RECQL5: variants seen among roughly 807,000 people sequenced by gnomAD.
RECQL5 encodes RecQ like helicase 5.
A neutral mutation model predicts 103.4 loss-of-function variants in RECQL5; 88 were observed. That is an observed-to-expected ratio of 0.85 (90% confidence interval 0.72 to 1.02). The LOEUF is 1.02. Ranked by LOEUF, RECQL5 falls within the 50% of genes least tolerant of loss-of-function variation. RECQL5 has a pLI of 0.00. For synonymous variants in RECQL5, 552 were observed against 507.9 expected (o/e 1.09, Z -1.17); for missense variants, 1,232 against 1,284.3 (o/e 0.96, Z 0.62).
At chr17:75,647,143 T>A (rs1220075858) in intron 8 of RECQL5, among the ~76,000 whole-genome samples, 4 of 152,192 alleles carry the variant, frequency 2.6e-5, no homozygotes, top group African/African-American at 9.6e-5. Context: ...GGGCCCCACT[T>A]CTTGCGCCAG....
chr17:75,631,743 C>A, intron 8 of RECQL5, 75 bp from the exon 9 acceptor site: 1 of 1,481,184 alleles, frequency 6.8e-7, no homozygotes, highest in South Asian at 1.2e-5. Flanking sequence ...GAGCCTGAAT[C>A]GCTAGCTGAG....
At position 75,640,168 on chromosome 17, in the gene RECQL5, CCCGGCAGGAGCCCCAACAGGAA is replaced by C; in HGVS notation, c.1230-8522_1230-8501del. The C allele has an allele frequency of 6.6e-7, 1 of 1,524,724 alleles. No homozygotes were observed. The highest frequency in any genetic ancestry group is 8.8e-7 in the Non-Finnish European group (1 of 1,136,892). The allele number at this position is 1,524,724 out of a possible 1,614,324, so 94.4% of individuals were successfully genotyped here. On this transcript the variant is annotated intron_variant, in intron 8 of 19. Coordinates refer to ENST00000317905, the MANE Select transcript of RECQL5 (RefSeq NM_004259.7). This position sits in a 1 kb window ranked among gnomAD's most constrained non-coding sequence, Gnocchi z 4.6. Reference sequence around the variant, plus strand: ...AGGTGTTCTCTCTGCCCCAGCAGAGCCCGGCAGGAGCCCCAACAGGAAGCCAGCGCGGCATGGCTGCCACCGA... The same window carrying C: ...AGGTGTTCTCTCTGCCCCAGCAGAGCGCCAGCGCGGCATGGCTGCCACCGA...
intron 5 of RECQL5, among the ~76,000 whole-genome samples, chr17:75,661,397 G>A (rs1385495443): frequency 6.6e-6 from 1 of 152,240 alleles, no homozygotes; most frequent in Non-Finnish European, 1.5e-5. Flanking sequence ...TAGGCATACA[G>A]TGGGAAGAAC....
In RECQL5 at chr17:75,660,806, C is replaced by T; in HGVS notation, c.986+149G>A. ...AGGCCGCACAGGAGCTGTCAGCATT[C>T]AGGCTGTATTCTAAGGACTCTCTCC... is the stretch of plus-strand genomic sequence containing the variant. On this transcript the variant is annotated intron_variant, in intron 6 of 19. Coordinates refer to ENST00000317905, the MANE Select transcript of RECQL5 (RefSeq NM_004259.7). The T allele has an allele frequency of 4.5e-6, 3 of 661,276 alleles. No individual in the cohort carries two copies. In the South Asian group the frequency reaches 5.2e-5, roughly 11 times the overall value. 41.0% of individuals were successfully genotyped at this position (661,276 alleles called of 1,614,324 possible). A position where few individuals can be genotyped will look rare whatever the true frequency, so the allele number is the denominator to read the frequency against.
chr17:75,659,416 G>C (rs908384113), intron 6 of RECQL5, among the ~76,000 whole-genome samples: 1 of 152,134 alleles, frequency 6.6e-6, no homozygotes, highest in Non-Finnish European at 1.5e-5. Flanking sequence ...AGAGTACAGT[G>C]GCACAATCAC....
At chr17:75,648,357 T>TTATA (rs1599032435) in intron 8 of RECQL5, among the ~76,000 whole-genome samples, 1 of 152,126 alleles carries the variant, frequency 6.6e-6, no homozygotes, top group Non-Finnish European at 1.5e-5. Flanking sequence ...TTTACAGGAC[T>TTATA]TATATGTCTT....
Position 75,662,859 on chromosome 17 carries a change from C to T in RECQL5, c.391G>A (p.Glu131Lys). Reference sequence around the variant, plus strand: ...TGGAAGGAGGATGAAGCTGCCATCTCTGGGGTGATGTACAGAATCTTGGTC... The same window carrying T: ...TGGAAGGAGGATGAAGCTGCCATCTTTGGGGTGATGTACAGAATCTTGGTC... The part of the protein sequence containing the change: ...PQTKILYITP[E>K]MAASSSFQPT... The change falls in exon 4 of 20, where the codon GAG becomes AAG. Residue 131 changes from glutamate (E) to lysine (K), a missense_variant. Glu to Lys is a moderately conservative substitution (Grantham distance 56, BLOSUM62 1). Coordinates refer to ENST00000317905, the MANE Select transcript of RECQL5 (RefSeq NM_004259.7). 6.2e-7 allele frequency: 1 copy of T among 1,614,150 alleles called. No homozygotes were observed. The highest frequency in any genetic ancestry group is 8.5e-7 in the Non-Finnish European group (1 of 1,180,036).
At position 75,636,460 on chromosome 17, in the gene RECQL5, G is replaced by C. The variant is rs1283183857; in HGVS notation, c.1230-4792C>G. The C allele has an allele frequency of 6.6e-6, 1 of 152,268 alleles. No homozygotes were observed. Among genetic ancestry groups the C allele is most frequent in the African/African-American group, 2.4e-5 (1 of 41,450 alleles). 9.4% of individuals were successfully genotyped at this position (152,268 alleles called of 1,614,324 possible). A position where few individuals can be genotyped will look rare whatever the true frequency, so the allele number is the denominator to read the frequency against. Reference sequence around the variant, plus strand: ...AAACCTAGGAAGGGAAAGGGGAGGAGAGGTGGCCAGCCTCAGAGCTCCCAT... The same window carrying C: ...AAACCTAGGAAGGGAAAGGGGAGGACAGGTGGCCAGCCTCAGAGCTCCCAT... On this transcript the variant is annotated intron_variant, in intron 8 of 19. Coordinates refer to ENST00000317905, the MANE Select transcript of RECQL5 (RefSeq NM_004259.7). This position sits in a 1 kb window ranked among gnomAD's most constrained non-coding sequence, Gnocchi z 5.4.
intron 5 of RECQL5, 43 bp downstream of exon 5, chr17:75,661,563 C>A (rs753837795): frequency 2.9e-6 from 4 of 1,357,264 alleles, no homozygotes; most frequent in Non-Finnish European, 3.2e-6. Context: ...AGCTAAGAAG[C>A]CTCTGAGGGT....
At position 75,662,967 on chromosome 17, in the gene RECQL5, CCT is replaced by C. The variant is rs1193988582; in HGVS notation, c.281_282del (p.Lys94SerfsTer21). ...TTCGAGTTCAGGGAACTTACTCGTACCTTTAGGGTTAGCAAGTGGTCCACTTG... is the reference window on the plus strand; with the variant it reads ...TTCGAGTTCAGGGAACTTACTCGTACTTAGGGTTAGCAAGTGGTCCACTTG... ...QDQVDHLLTL[K>X]VRVSSLNSKL... On this transcript the variant is annotated frameshift_variant, in exon 4 of 20. Coordinates refer to ENST00000317905, the MANE Select transcript of RECQL5 (RefSeq NM_004259.7). LOFTEE classifies it high-confidence loss of function. 6.2e-7 allele frequency: 1 copy of C among 1,610,850 alleles called. No individual in the cohort carries two copies. Among genetic ancestry groups the C allele is most frequent in the Non-Finnish European group, 8.5e-7 (1 of 1,178,236 alleles).
chr17:75,661,589 G>A lies in RECQL5; in HGVS notation c.874+17C>T. On this transcript the variant is annotated intron_variant, in intron 5 of 19. Transcript: ENST00000317905. ...CTCTGAGGGTGAAGAGACTCAAGTG[G>A]CCTGGGTGCCCCTTACCTGCATGGT... 6.3e-7 allele frequency: 1 copy of A among 1,592,706 alleles called. No homozygotes were observed. Among genetic ancestry groups the A allele is most frequent in the South Asian group, 1.1e-5 (1 of 90,600 alleles).
In RECQL5 at chr17:75,626,933, A is replaced by C. The variant is rs916590430; in HGVS notation, c.*489T>G. 2.8e-6 allele frequency: 1 copy of C among 353,234 alleles called. No individual in the cohort carries two copies. The highest frequency in any genetic ancestry group is 2.1e-5 in the African/African-American group (1 of 46,882). The allele number at this position is 353,234 out of a possible 1,614,324, so 21.9% of individuals were successfully genotyped here. A position where few individuals can be genotyped will look rare whatever the true frequency, so the allele number is the denominator to read the frequency against. Reference sequence around the variant, plus strand: ...TCTGTCAGGCCTGGCCTTCCTGAGCAGGAGCTGAGCAGGAACAGGGCCTGG... The same window carrying C: ...TCTGTCAGGCCTGGCCTTCCTGAGCCGGAGCTGAGCAGGAACAGGGCCTGG... On this transcript the variant is annotated 3_prime_UTR_variant, in exon 20 of 20. Transcript: ENST00000317905.
chr17:75,646,838 T>C (rs1006012548), intron 8 of RECQL5: 1 of 152,934 alleles, frequency 6.5e-6, no homozygotes, highest in African/African-American at 2.4e-5. Flanking sequence ...GCTATGGGCT[T>C]GCAGTCTGCG....
intron 2 of RECQL5, among the ~76,000 whole-genome samples, chr17:75,665,661 G>C (rs1485805133): frequency 2.0e-5 from 3 of 148,788 alleles, no homozygotes; most frequent in Non-Finnish European, 4.4e-5. Flanking sequence ...CTGCACTCCA[G>C]TGTGGGCGAC....
rs2059751656 is a variant in RECQL5 at position 75,665,180 on chromosome 17, A to G, written c.131-8T>C. On this transcript the variant is annotated splice_polypyrimidine_tract_variant and splice_region_variant and intron_variant, in intron 2 of 19. Coordinates refer to ENST00000317905, the MANE Select transcript of RECQL5 (RefSeq NM_004259.7). The stretch of plus-strand genomic sequence containing the variant: ...CAAAGACGTCCTTGTTACCTGAAAA[A>G]ATACAAGACAACAATATCTCAGTGC... 2 of 1,605,226 alleles carry G rather than the reference A, an allele frequency of 1.2e-6. No individual in the cohort carries two copies. The highest frequency in any genetic ancestry group is 2.2e-5 in the South Asian group (2 of 89,010).
intron 3 of RECQL5, among the ~76,000 whole-genome samples, chr17:75,663,792 C>T (rs909210835): frequency 3.9e-5 from 6 of 152,132 alleles, no homozygotes; most frequent in Non-Finnish European, 7.3e-5. Context: ...CGGTGGCTCA[C>T]ACCTGTAATT....
rs769988343 is a variant in RECQL5, at chr17:75,651,284, CACTT to C, written c.1150-23_1150-20del. 3.2e-5 allele frequency: 52 copies of C among 1,613,794 alleles called. No homozygotes were observed. The highest frequency in any genetic ancestry group is 1.0e-4 in the Admixed American group (6 of 59,996). On this transcript the variant is annotated intron_variant, in intron 7 of 19. Transcript: ENST00000317905. ...TCTTTTCCTGGGGACAAAAAATGAC[CACTT>C]AGCAAGTCTTATAGAATTGGACTAC...
rs2059411637 is a variant in RECQL5, at chr17:75,640,307, T to C, written c.1230-8639A>G. 2.6e-6 allele frequency: 4 copies of C among 1,549,770 alleles called. No individual in the cohort carries two copies. The highest frequency in any genetic ancestry group is 3.5e-6 in the Non-Finnish European group (4 of 1,146,228). On this transcript the variant is annotated intron_variant, in intron 8 of 19. Transcript: ENST00000317905. The surrounding 1 kb of genome is among the most constrained non-coding windows in gnomAD (Gnocchi z 4.6). ...TGAGCCCGTGGAGATCGTGGCCTTCTCAGTCATCATCCTTTTCACAGGTTA... is the reference window on the plus strand; with the variant it reads ...TGAGCCCGTGGAGATCGTGGCCTTCCCAGTCATCATCCTTTTCACAGGTTA...
At chr17:75,659,506 G>A (rs1399500791) in intron 6 of RECQL5, among the ~76,000 whole-genome samples, 1 of 152,050 alleles carries the variant, frequency 6.6e-6, no homozygotes, top group Non-Finnish European at 1.5e-5. Context: ...ACAGGCACAT[G>A]CCACTATACC....
Sources: gnomAD v4.1 joint callset for allele counts (sites outside exome capture counted in the v4.1 genomes callset) on GRCh38, gnomAD v4.1.1 for gene constraint, Gnocchi (gnomAD v3.1) non-coding constraint, MANE v1.5 for transcripts, NCBI Gene and HGNC (gene_info 2026-07-23, HGNC 2026-07-21) for gene names.